Variants in MACROD2 observed in about 807,000 individuals in gnomAD.
MACROD2 encodes the protein mono-ADP ribosylhydrolase 2.
A neutral mutation model predicts 70.4 loss-of-function variants in MACROD2; 36 were observed. The ratio of observed to expected loss-of-function variants is 0.51; its 90% CI spans 0.39 to 0.68. The LOEUF is 0.68. Among genes scored for constraint, MACROD2 ranks in the 30% least tolerant of loss-of-function variants. MACROD2 has a pLI of 0.00. For synonymous variants in MACROD2, 172 were observed against 178.8 expected, an observed-to-expected ratio of 0.96 and a Z score of 0.30; for missense variants, 496 against 538.4, an observed-to-expected ratio of 0.92 and a Z score of 0.78.
chr20:14,282,151 TG>T (rs2082311439), intron 3 of MACROD2, among the ~76,000 whole-genome samples: 2 of 152,166 alleles, frequency 1.3e-5, no homozygotes, highest in South Asian at 4.1e-4. Context: ...TATATTGTTT[TG>T]GTTGAATTAT....
intron 6 of MACROD2, among the ~76,000 whole-genome samples, chr20:15,425,827 A>G (rs1031337458): frequency 6.6e-6 from 1 of 152,210 alleles, no homozygotes; most frequent in African/African-American, 2.4e-5. Context: ...AGAAATTCCC[A>G]CTTTGCAAGA....
chr20:14,210,947 G>A (rs1250770129), intron 3 of MACROD2, among the ~76,000 whole-genome samples: 2 of 152,146 alleles, frequency 1.3e-5, no homozygotes, highest in African/African-American at 4.8e-5. Flanking sequence ...GGAGGGAGAC[G>A]CTTAGGATTA....
At chr20:14,780,571 A>AAAAG (rs1555829348) in intron 5 of MACROD2, among the ~76,000 whole-genome samples, 1 of 151,754 alleles carries the variant, frequency 6.6e-6, no homozygotes, top group Non-Finnish European at 1.5e-5. Flanking sequence ...TCAAAAAAAA[A>AAAAG]AAAAAAAAGT....
At chr20:14,126,730 T>C (rs2054655614) in intron 3 of MACROD2, among the ~76,000 whole-genome samples, 2 of 152,196 alleles carry the variant, frequency 1.3e-5, no homozygotes, top group Admixed American at 1.3e-4. Flanking sequence ...TATTATTATA[T>C]CTGTTACAGT....
intron 8 of MACROD2, among the ~76,000 whole-genome samples, chr20:15,833,346 T>C (rs2064078768): frequency 6.6e-6 from 1 of 152,238 alleles, no homozygotes; most frequent in Non-Finnish European, 1.5e-5. Context: ...AATTCAGTTC[T>C]ACACTGTACT....
At chr20:15,489,096 C>T (rs2047196435) in intron 7 of MACROD2, among the ~76,000 whole-genome samples, 1 of 152,126 alleles carries the variant, frequency 6.6e-6, no homozygotes, top group Admixed American at 6.5e-5. Flanking sequence ...GGAAACACAA[C>T]TTGAAAGGAA....
chr20:14,355,992 C>G (rs1405330567), intron 3 of MACROD2, among the ~76,000 whole-genome samples: 1 of 152,086 alleles, frequency 6.6e-6, no homozygotes, highest in African/African-American at 2.4e-5. Context: ...GATACTAACT[C>G]AGCTGGATTT....
At chr20:14,079,155 G>A (rs1461563621) in intron 2 of MACROD2, among the ~76,000 whole-genome samples, 1 of 152,146 alleles carries the variant, frequency 6.6e-6, no homozygotes, top group Admixed American at 6.5e-5. Flanking sequence ...CTTCCTGAAA[G>A]CTTCCATAAT....
chr20:15,194,633 A>G (rs2076593606), intron 5 of MACROD2, among the ~76,000 whole-genome samples: 2 of 152,120 alleles, frequency 1.3e-5, no homozygotes. Flanking sequence ...GGTGCTCTTT[A>G]CCCTTAAATA....
chr20:15,876,495 T>C (rs1371507398), intron 9 of MACROD2, among the ~76,000 whole-genome samples: 2 of 152,206 alleles, frequency 1.3e-5, no homozygotes, highest in Non-Finnish European at 2.9e-5. Context: ...TACCACATTT[T>C]CTTAATCCAG....
intron 5 of MACROD2, among the ~76,000 whole-genome samples, chr20:14,889,104 A>G (rs2073718386): frequency 6.6e-6 from 1 of 152,176 alleles, no homozygotes; most frequent in African/African-American, 2.4e-5. Flanking sequence ...GAATAGAAAC[A>G]ATTTTTGCAG....
chr20:14,762,615 G>A (rs1426349470), intron 5 of MACROD2, among the ~76,000 whole-genome samples: 1 of 152,070 alleles, frequency 6.6e-6, no homozygotes, highest in Non-Finnish European at 1.5e-5. Context: ...CTATGTCAGT[G>A]TGGAACTTGG....
chr20:15,085,871 ACAAC>A (rs1381767966), intron 5 of MACROD2, among the ~76,000 whole-genome samples: 17 of 109,114 alleles, frequency 1.6e-4, no homozygotes, highest in African/African-American at 5.8e-4. Context: ...ACACACACAC[ACAAC>A]ACACACACAC....
chr20:14,106,398 G>A (rs1310104908), intron 3 of MACROD2, among the ~76,000 whole-genome samples: 1 of 152,172 alleles, frequency 6.6e-6, no homozygotes, highest in African/African-American at 2.4e-5. Context: ...TGGTGTTGGG[G>A]TGGGACCTGA....
At chr20:14,249,162 C>T (rs1435743689) in intron 3 of MACROD2, among the ~76,000 whole-genome samples, 1 of 120,838 alleles carries the variant, frequency 8.3e-6, no homozygotes, top group East Asian at 2.7e-4. Context: ...GTAGATGACA[C>T]AGAAACTTCT....
At chr20:14,938,862 T>C (rs1159725276) in intron 5 of MACROD2, among the ~76,000 whole-genome samples, 1 of 152,034 alleles carries the variant, frequency 6.6e-6, no homozygotes, top group African/African-American at 2.4e-5. Context: ...TTCCATGATT[T>C]GTAACAAATC....
At chr20:14,269,866 T>C (rs1431277934) in intron 3 of MACROD2, among the ~76,000 whole-genome samples, 2 of 152,068 alleles carry the variant, frequency 1.3e-5, no homozygotes, top group Non-Finnish European at 2.9e-5. Flanking sequence ...CCTTTATTTA[T>C]AGTTTATTGT....
intron 5 of MACROD2, chr20:14,849,916 C>G (rs758109895): frequency 2.0e-6 from 1 of 496,350 alleles, no homozygotes; most frequent in South Asian, 1.5e-5. Flanking sequence ...AATTTGGATG[C>G]AAGAAAGCTA....
intron 2 of MACROD2, among the ~76,000 whole-genome samples, chr20:14,029,766 T>C (rs938924568): frequency 3.3e-5 from 5 of 152,214 alleles, no homozygotes; most frequent in Non-Finnish European, 7.3e-5. Flanking sequence ...TTCTGACTAT[T>C]GATATTCCTA....
Sources: gnomAD v4.1 joint callset for allele counts (sites outside exome capture counted in the v4.1 genomes callset) on GRCh38, gnomAD v4.1.1 for gene constraint, MANE v1.5 for transcripts, NCBI Gene and HGNC (gene_info 2026-07-23, HGNC 2026-07-21) for gene names.